NCALD: variants seen among roughly 807,000 people sequenced by gnomAD.
The protein encoded by NCALD is neurocalcin delta, also known as neurocalcin-delta.
In NCALD, 10 loss-of-function variants were observed where a neutral mutation model predicts 18.6. The observed-to-expected ratio is 0.54, with a 90% CI of 0.33 to 0.91. The LOEUF (loss-of-function observed/expected upper bound fraction) is 0.91, where lower values mean the gene tolerates loss of function less well. Ranked by LOEUF, NCALD falls within the 40% of genes least tolerant of loss-of-function variation. NCALD has a pLI of 0.03. For missense variants in NCALD, 184 were observed against 247.6 expected, an observed-to-expected ratio of 0.74 and a Z score of 1.72; for synonymous variants, 88 against 87.4, an observed-to-expected ratio of 1.01 and a Z score of -0.04.
intron 1 of NCALD, among the ~76,000 whole-genome samples, chr8:101,764,372 A>T (rs1362639646): frequency 2.0e-5 from 3 of 152,192 alleles, no homozygotes; most frequent in Admixed American, 6.5e-5. Flanking sequence ...AGCAAGGAGG[A>T]AGGGGGGATC....
At chr8:101,870,157 C>A (rs1307879845) in intron 4 of NCALD, among the ~76,000 whole-genome samples, 1 of 152,212 alleles carries the variant, frequency 6.6e-6, no homozygotes, top group Non-Finnish European at 1.5e-5. Context: ...TCCAACTCAG[C>A]CTCCCATCAC....
At chr8:102,068,318 G>A (rs1165760933) in intron 1 of NCALD, among the ~76,000 whole-genome samples, 1 of 152,046 alleles carries the variant, frequency 6.6e-6, no homozygotes, top group Non-Finnish European at 1.5e-5. Flanking sequence ...GGGTGTCCTG[G>A]CCTTTACCTC....
At chr8:101,711,647 G>A (rs1052162861) in intron 2 of NCALD, among the ~76,000 whole-genome samples, 2 of 151,554 alleles carry the variant, frequency 1.3e-5, no homozygotes, top group African/African-American at 2.4e-5. Context: ...TACCCAAATC[G>A]ATCAAGCAGA....
Position 101,853,048 on chromosome 8 carries a change from C to T in NCALD, c.-20+34093G>A, listed in dbSNP as rs535353505. ...GCATACATTTTAGAGCCAGACTGCC[C>T]ATGTCCAAACCCTGGTCCCATCACT... is the stretch of plus-strand genomic sequence containing the variant. On this transcript the variant is annotated intron_variant, in intron 4 of 6. Coordinates refer to the NCALD transcript ENST00000311028. Among the ~76,000 whole-genome samples the T allele has an allele frequency of 1.1e-3, 166 of 152,270 alleles. 3 individuals are homozygous for T. Among genetic ancestry groups the T allele is most frequent in the Non-Finnish European group, 1.9e-4 (13 of 68,006 alleles).
rs1028998716 is a variant in NCALD, at chr8:102,004,707, G to A, written c.-157+15530C>T. Among the ~76,000 whole-genome samples the A allele has an allele frequency of 1.8e-3, 269 of 152,078 alleles. 3 individuals are homozygous for A. The highest frequency in any genetic ancestry group is 6.2e-3 in the African/African-American group (256 of 41,398). On this transcript the variant is annotated intron_variant, in intron 2 of 6. Transcript: ENST00000311028. ...ATACAGACCAATGGAACAGAACAGA[G>A]CCCTCAGAAATAATGCCACATATCT...
intron 4 of NCALD, among the ~76,000 whole-genome samples, chr8:101,812,217 T>G (rs965331416): frequency 6.6e-6 from 1 of 152,176 alleles, no homozygotes; most frequent in African/African-American, 2.4e-5. Flanking sequence ...GGGTAGAGAC[T>G]CAGGGATAAA....
intron 4 of NCALD, among the ~76,000 whole-genome samples, chr8:101,880,077 T>TG (rs1474898332): frequency 2.3e-3 from 7 of 3,096 alleles, no homozygotes; most frequent in South Asian, 8.3e-3. Context: ...GCCCATGGTG[T>TG]GGGGGGGAGG....
intron 2 of NCALD, among the ~76,000 whole-genome samples, chr8:101,920,374 G>C (rs1032369770): frequency 6.6e-6 from 1 of 152,128 alleles, no homozygotes; most frequent in Admixed American, 6.5e-5. Context: ...TCCCATTACT[G>C]AGTATATATT....
At chr8:102,074,112 C>T (rs1253460645) in intron 1 of NCALD, among the ~76,000 whole-genome samples, 2 of 152,118 alleles carry the variant, frequency 1.3e-5, no homozygotes, top group African/African-American at 2.4e-5. Flanking sequence ...CGGTACAAGG[C>T]GAGAAGACAT....
At chr8:102,118,814 T>C (rs935995667) in intron 1 of NCALD, among the ~76,000 whole-genome samples, 2 of 152,200 alleles carry the variant, frequency 1.3e-5, no homozygotes, top group African/African-American at 2.4e-5. Context: ...TGGTTCCCCA[T>C]GACCCTAGAA....
At chr8:101,728,502 A>G (rs1193908801) in intron 1 of NCALD, among the ~76,000 whole-genome samples, 1 of 152,236 alleles carries the variant, frequency 6.6e-6, no homozygotes, top group Non-Finnish European at 1.5e-5. Flanking sequence ...AACCACAGGG[A>G]TTCCTGAAAG....
intron 1 of NCALD, among the ~76,000 whole-genome samples, chr8:102,042,276 A>G (rs1823073632): frequency 6.6e-6 from 1 of 151,994 alleles, no homozygotes; most frequent in South Asian, 2.1e-4. Context: ...ACAAGAGAAA[A>G]TCTACTAACA....
intron 1 of NCALD, among the ~76,000 whole-genome samples, chr8:102,101,236 A>G (rs1825269927): frequency 6.6e-6 from 1 of 152,258 alleles, no homozygotes; most frequent in Non-Finnish European, 1.5e-5. Context: ...AATTGCTGTC[A>G]GGCAGGAACT....
chr8:102,080,839 C>T lies in NCALD; in HGVS notation c.-210+43398G>A, dbSNP rs546944744. ...CTGAGGCTCCAGCTGGTCTGGGTCT[C>T]CAGCCCACTCATTTAATAGTGAGGC... On this transcript the variant is annotated intron_variant, in intron 1 of 6. Transcript: ENST00000311028. Among the ~76,000 whole-genome samples the T allele has an allele frequency of 1.3e-4, 20 of 152,332 alleles. 2 individuals carry two copies. In the South Asian group the frequency reaches 3.9e-3, roughly 30 times the overall value.
At chr8:101,698,205 A>G (rs1472791260) in intron 2 of NCALD, among the ~76,000 whole-genome samples, 1 of 152,222 alleles carries the variant, frequency 6.6e-6, no homozygotes, top group Non-Finnish European at 1.5e-5. Flanking sequence ...AGAATAAAAT[A>G]CCTAGGAACA....
chr8:101,994,007 C>T (rs1045405557), intron 2 of NCALD, among the ~76,000 whole-genome samples: 25 of 152,174 alleles, frequency 1.6e-4, no homozygotes, highest in African/African-American at 4.8e-4. Context: ...CATTTTCTTT[C>T]TCTAACTTAT....
At chr8:102,001,585 A>G (rs1308778015) in intron 2 of NCALD, among the ~76,000 whole-genome samples, 1 of 152,220 alleles carries the variant, frequency 6.6e-6, no homozygotes, top group African/African-American at 2.4e-5. Context: ...CAGATTCACC[A>G]AAGTTGAAAT....
At chr8:102,094,348 G>A (rs1417509074) in intron 1 of NCALD, among the ~76,000 whole-genome samples, 3 of 152,152 alleles carry the variant, frequency 2.0e-5, no homozygotes, top group South Asian at 2.1e-4. Context: ...ATCGTCTTAC[G>A]TGAACCTCCC....
chr8:101,888,370 G>C (rs1302920726), intron 3 of NCALD, among the ~76,000 whole-genome samples: 1 of 151,974 alleles, frequency 6.6e-6, no homozygotes, highest in African/African-American at 2.4e-5. Flanking sequence ...ATGACCCAAG[G>C]CTCTATATTT....
Sources: allele counts gnomAD v4.1 joint callset (sites outside exome capture counted in the v4.1 genomes callset), GRCh38; gene constraint gnomAD v4.1.1; transcripts MANE v1.5; gene names NCBI Gene and HGNC (gene_info 2026-07-23, HGNC 2026-07-21).